The following RYR3 variants were observed in gnomAD, a reference collection of about 807,000 sequenced individuals.
The protein encoded by RYR3 is ryanodine receptor 3, also known as brain ryanodine receptor-calcium release channel.
RYR3 carries 207 observed loss-of-function variants against 584.3 expected under a neutral mutation model. That is an observed-to-expected ratio of 0.35 (90% confidence interval 0.32 to 0.40). RYR3 has a LOEUF of 0.40. RYR3 is among the 10% of genes least tolerant of loss of function. The pLI is 1.00. For synonymous variants in RYR3, 2,416 were observed against 2,248.5 expected, an observed-to-expected ratio of 1.07 and a Z score of -2.11; for missense variants, 5,616 against 6,089.2, an observed-to-expected ratio of 0.92 and a Z score of 2.59.
intron 3 of RYR3, among the ~76,000 whole-genome samples, chr15:33,527,676 C>G (rs1217874497): frequency 2.0e-5 from 3 of 152,004 alleles, no homozygotes; most frequent in Non-Finnish European, 2.9e-5. Context: ...TTGCCTGATG[C>G]ACGGCCTTAG....
At chr15:33,435,495 G>A (rs557582644) in intron 1 of RYR3, among the ~76,000 whole-genome samples, 35 of 152,226 alleles carry the variant, frequency 2.3e-4, no homozygotes, top group African/African-American at 8.2e-4. Flanking sequence ...ACATCCTACT[G>A]TAATAAACAT....
chr15:33,512,632 A>C (rs1410466558), intron 3 of RYR3, among the ~76,000 whole-genome samples: 1 of 152,224 alleles, frequency 6.6e-6, no homozygotes, highest in East Asian at 1.9e-4. Context: ...TAGCTTTGCT[A>C]ATGTTACACA....
chr15:33,704,469 C>G (rs1836152986), intron 42 of RYR3, among the ~76,000 whole-genome samples: 2 of 152,272 alleles, frequency 1.3e-5, no homozygotes, highest in South Asian at 4.1e-4. Context: ...CAGCCACCTC[C>G]TGCATACACA....
At position 33,780,295 on chromosome 15, in the gene RYR3, C is replaced by T. The variant is rs767716714; in HGVS notation, c.9222C>T (p.Tyr3074=). 19 of 1,613,820 alleles carry T rather than the reference C, an allele frequency of 1.2e-5. No individual in the cohort carries two copies. The African/African-American group carries it at 2.0e-4, about 17-fold the overall frequency. Residue 3074 remains tyrosine (Y), a synonymous_variant, in exon 65 of 104, where the codon TAC becomes TAT. Coordinates refer to ENST00000634891, the MANE Select transcript of RYR3 (RefSeq NM_001036.6). ...VAFLEPTLNR[Y]NPLSVFNTKT... Reference sequence around the variant, plus strand: ...TCCTGGAGCCCACCCTTAATCGCTACAATCCACTCTCGGTCTTCAACACCA... The same window carrying T: ...TCCTGGAGCCCACCCTTAATCGCTATAATCCACTCTCGGTCTTCAACACCA...
intron 1 of RYR3, among the ~76,000 whole-genome samples, chr15:33,333,544 C>T (rs1203627195): frequency 6.6e-6 from 1 of 152,054 alleles, no homozygotes; most frequent in Non-Finnish European, 1.5e-5. Flanking sequence ...AGGAACATAC[C>T]TCAAAATAAT....
At chr15:33,846,790 A>G (rs2078750164) in intron 93 of RYR3, among the ~76,000 whole-genome samples, 1 of 152,192 alleles carries the variant, frequency 6.6e-6, no homozygotes, top group African/African-American at 2.4e-5. Flanking sequence ...CTCATACATA[A>G]AAATGAGTAC....
chr15:33,629,256 A>AT (rs1566820055), intron 21 of RYR3, among the ~76,000 whole-genome samples: 1 of 152,250 alleles, frequency 6.6e-6, no homozygotes, highest in Non-Finnish European at 1.5e-5. Flanking sequence ...TGAATTACTT[A>AT]ATGTCTAGAA....
intron 43 of RYR3, among the ~76,000 whole-genome samples, chr15:33,718,893 C>T (rs577450051): frequency 1.6e-4 from 25 of 152,302 alleles, no homozygotes; most frequent in African/African-American, 5.5e-4. Flanking sequence ...CATATTAGAA[C>T]TCAAGCAGAA....
Position 33,377,796 on chromosome 15 carries a change from T to G in RYR3, c.51+66700T>G, listed in dbSNP as rs1414221625. On this transcript the variant is annotated intron_variant, in intron 1 of 103. Coordinates refer to ENST00000634891, the MANE Select transcript of RYR3 (RefSeq NM_001036.6). ...AAAAACGTAAGTTCTAGAAATCTTTTTTTTTCCCCCCTTTGGATATAGGGT... is the reference window on the plus strand; with the variant it reads ...AAAAACGTAAGTTCTAGAAATCTTTGTTTTTCCCCCCTTTGGATATAGGGT... 2.0e-5 allele frequency among the ~76,000 whole-genome samples: 3 copies of G among 152,168 alleles called. No homozygotes were observed. The East Asian group carries it at 5.8e-4, about 29-fold the overall frequency.
At position 33,742,338 on chromosome 15, in the gene RYR3, G is replaced by A. The variant is rs751224968; in HGVS notation, c.7821-28G>A. Reference sequence around the variant, plus strand: ...ATGTCTGGCTGAAGTGCTTGGGGAGGTTGTAATTTTTTTTCCTCATTTCAC... The same window carrying A: ...ATGTCTGGCTGAAGTGCTTGGGGAGATTGTAATTTTTTTTCCTCATTTCAC... On this transcript the variant is annotated intron_variant, in intron 51 of 103. Transcript: ENST00000634891. 81 of 1,458,484 alleles carry A rather than the reference G, an allele frequency of 5.6e-5. No individual in the cohort carries two copies. In the South Asian group the frequency reaches 6.8e-4, roughly 12 times the overall value. The allele number at this position is 1,458,484 out of a possible 1,614,324, so 90.3% of individuals were successfully genotyped here. A position where few individuals can be genotyped will look rare whatever the true frequency, so the allele number is the denominator to read the frequency against.
intron 38 of RYR3, among the ~76,000 whole-genome samples, chr15:33,671,805 CTTTTTTTT>C (rs56206846): frequency 0.23 from 18,419 of 80,966 alleles, 1,773 homozygotes; most frequent in East Asian, 0.33. Flanking sequence ...CCTTCTTTTT[CTTTTTTTT>C]TTTTTTTTTT....
In RYR3 at chr15:33,503,675, G is replaced by A; in HGVS notation, c.216G>A (p.Gln72=). The change falls in exon 3 of 104, where the codon CAG becomes CAA. Residue 72 remains glutamine (Q), a synonymous_variant. Transcript: ENST00000634891. The part of the protein sequence containing the change: ...DLCVCNFVLE[Q]SLSVRALQEM... ...GCGTCTGCAATTTTGTGCTGGAACAGTCCCTATCTGTCAGAGCCCTGCAGG... is the reference window on the plus strand; with the variant it reads ...GCGTCTGCAATTTTGTGCTGGAACAATCCCTATCTGTCAGAGCCCTGCAGG... 6.2e-7 allele frequency: 1 copy of A among 1,613,298 alleles called. No individual in the cohort carries two copies. Among genetic ancestry groups the A allele is most frequent in the Non-Finnish European group, 8.5e-7 (1 of 1,179,694 alleles).
chr15:33,617,918 A>G (rs374814550), intron 19 of RYR3, among the ~76,000 whole-genome samples: 1 of 152,132 alleles, frequency 6.6e-6, no homozygotes, highest in Non-Finnish European at 1.5e-5. Flanking sequence ...TTTCTTCTCA[A>G]TGTGGTTTGT....
At chr15:33,677,660 T>C (rs11638528) in intron 38 of RYR3, among the ~76,000 whole-genome samples, 24,460 of 152,180 alleles carry the variant, frequency 0.16, 2,438 homozygotes, top group Admixed American at 0.3. Context: ...CTGTCAGATA[T>C]GGGTATCTGT....
intron 4 of RYR3, among the ~76,000 whole-genome samples, chr15:33,531,722 A>C (rs1415652271): frequency 1.3e-5 from 2 of 152,034 alleles, no homozygotes; most frequent in Non-Finnish European, 1.5e-5. Flanking sequence ...CTTCATGGCA[A>C]AAGACGAAAA....
intron 12 of RYR3, among the ~76,000 whole-genome samples, chr15:33,571,511 A>G (rs2058026971): frequency 2.0e-5 from 3 of 152,116 alleles, no homozygotes; most frequent in Admixed American, 1.3e-4. Context: ...TAATAGATAT[A>G]TATTTCTGAT....
intron 38 of RYR3, among the ~76,000 whole-genome samples, chr15:33,678,698 C>A (rs893951181): frequency 2.6e-5 from 4 of 152,202 alleles, no homozygotes; most frequent in Non-Finnish European, 5.9e-5. Flanking sequence ...GAGATGTGTC[C>A]TGCTGTTTCC....
rs1287544039 is a variant in RYR3 at position 33,726,506 on chromosome 15, G to A, written c.7033G>A (p.Asp2345Asn). ...CTTGAAACTGCCCTCCCTCAACAAAGGTAAGGGGAGTGACTGCAGGCTGCA... is the reference window on the plus strand; with the variant it reads ...CTTGAAACTGCCCTCCCTCAACAAAAGTAAGGGGAGTGACTGCAGGCTGCA... ...IPLKLPSLNK[D>N]GSVSEPDMAA... Residue 2345 changes from aspartate (D) to asparagine (N), a missense_variant and splice_region_variant, in exon 46 of 104, where the codon GAT (aspartate) becomes AAT (asparagine). This residue lies in a region of RYR3 where 1,280 missense variants were observed against 1,426.2 expected (regional missense o/e 0.90). Transcript: ENST00000634891. 1 of 1,588,334 alleles carries A rather than the reference G, an allele frequency of 6.3e-7. No individual in the cohort carries two copies. Among genetic ancestry groups the A allele is most frequent in the Non-Finnish European group, 8.6e-7 (1 of 1,167,148 alleles).
At chr15:33,773,690 AT>A in intron 64 of RYR3, 75 bp downstream of exon 64, 1 of 970,924 alleles carries the variant, frequency 1.0e-6, no homozygotes, top group Non-Finnish European at 1.6e-6. Context: ...ACACTTAATG[AT>A]ATCATTTCAA....
Sources: gnomAD v4.1 joint callset for allele counts (sites outside exome capture counted in the v4.1 genomes callset) on GRCh38, gnomAD v4.1.1 for gene constraint, gnomAD v4.1.1 regional missense constraint, MANE v1.5 for transcripts, NCBI Gene and HGNC (gene_info 2026-07-23, HGNC 2026-07-21) for gene names.